PCDH15: variants seen among roughly 807,000 people sequenced by gnomAD.
PCDH15 encodes protocadherin-15.
In PCDH15, 129 loss-of-function variants were observed where a neutral mutation model predicts 178.5. That is an observed-to-expected ratio of 0.72 (90% CI 0.63 to 0.84). PCDH15 has a LOEUF of 0.84. Among genes scored for constraint, PCDH15 ranks in the 40% least tolerant of loss-of-function variants. The pLI is 0.00. For synonymous variants in PCDH15, 800 were observed against 732.0 expected, an observed-to-expected ratio of 1.09 and a Z score of -1.50; for missense variants, 2,230 against 2,099.9, an observed-to-expected ratio of 1.06 and a Z score of -1.21.
At chr10:54,967,223 A>G (rs1365509098) in intron 2 of PCDH15, among the ~76,000 whole-genome samples, 2 of 151,922 alleles carry the variant, frequency 1.3e-5, no homozygotes, top group Admixed American at 1.3e-4. Context: ...ATCTTATGGG[A>G]TCAACTTCAT....
intron 2 of PCDH15, among the ~76,000 whole-genome samples, chr10:55,043,472 AC>A (rs2131979576): frequency 6.6e-6 from 1 of 152,018 alleles, no homozygotes; most frequent in African/African-American, 2.4e-5. Context: ...ACTTTGGAGG[AC>A]CCAGGCAGGA....
At chr10:55,003,984 G>T (rs1355270183) in intron 2 of PCDH15, among the ~76,000 whole-genome samples, 2 of 152,324 alleles carry the variant, frequency 1.3e-5, no homozygotes, top group East Asian at 3.9e-4. Flanking sequence ...TGGAGGCCAA[G>T]TCTGAGATTC....
At chr10:54,414,084 A>T (rs1953966379) in intron 3 of PCDH15, among the ~76,000 whole-genome samples, 1 of 152,168 alleles carries the variant, frequency 6.6e-6, no homozygotes, top group Admixed American at 6.5e-5. Flanking sequence ...AATTTACACA[A>T]ATAAAACACT....
chr10:54,441,806 A>G (rs11004304), intron 3 of PCDH15, among the ~76,000 whole-genome samples: 9,851 of 151,886 alleles, frequency 0.065, 375 homozygotes, highest in Admixed American at 0.11. Context: ...ATAAGGAATA[A>G]TAAACCACAG....
At chr10:54,877,320 C>T (rs562908404) in intron 3 of PCDH15, among the ~76,000 whole-genome samples, 2 of 152,210 alleles carry the variant, frequency 1.3e-5, no homozygotes, top group East Asian at 1.9e-4. Context: ...ACAATATCTT[C>T]ACAGTATACT....
At chr10:55,578,891 C>A (rs192871005) in intron 2 of PCDH15, among the ~76,000 whole-genome samples, 57 of 152,216 alleles carry the variant, frequency 3.7e-4, no homozygotes, top group South Asian at 2.1e-3. Flanking sequence ...GATCCACCCC[C>A]CTATGATTCA....
intron 8 of PCDH15, among the ~76,000 whole-genome samples, chr10:54,302,433 G>A (rs148611854): frequency 2.5e-4 from 38 of 152,188 alleles, no homozygotes; most frequent in African/African-American, 8.9e-4. Context: ...TCAAGATGGC[G>A]GTATTAGAAG....
chr10:54,634,531 C>T (rs1193158148), intron 2 of PCDH15, among the ~76,000 whole-genome samples: 2 of 151,852 alleles, frequency 1.3e-5, no homozygotes, highest in African/African-American at 2.4e-5. Flanking sequence ...AGAATTATTT[C>T]TTTATTAATC....
chr10:54,926,840 C>CT (rs990642242), intron 2 of PCDH15, among the ~76,000 whole-genome samples: 5 of 151,850 alleles, frequency 3.3e-5, no homozygotes, highest in African/African-American at 1.2e-4. Context: ...GATCTGTTTA[C>CT]TTTTTTATTA....
intron 3 of PCDH15, among the ~76,000 whole-genome samples, chr10:54,462,680 A>ATTTTTTTTT (rs767750465): frequency 3.6e-5 from 2 of 56,240 alleles, no homozygotes; most frequent in Admixed American, 2.1e-4. Context: ...CACCTGCTTA[A>ATTTTTTTTT]TTTTTTTTTT....
chr10:54,763,315 T>G (rs1948112035), intron 1 of PCDH15, among the ~76,000 whole-genome samples: 1 of 152,134 alleles, frequency 6.6e-6, no homozygotes, highest in Admixed American at 6.6e-5. Context: ...ATTTCACAAT[T>G]TGTAGCTCAG....
intron 18 of PCDH15, among the ~76,000 whole-genome samples, chr10:54,035,828 G>A (rs958888189): frequency 1.3e-5 from 2 of 151,968 alleles, no homozygotes; most frequent in Non-Finnish European, 2.9e-5. Context: ...GTGCCAGTTA[G>A]CCACATTGTG....
intron 37 of PCDH15, chr10:53,809,358 G>C: frequency 6.2e-7 from 1 of 1,613,828 alleles, no homozygotes; most frequent in Non-Finnish European, 8.5e-7. Flanking sequence ...CACCCTCAAG[G>C]TCAACGATTC....
chr10:55,390,819 A>G lies in PCDH15; in HGVS notation c.-155-224168T>C, dbSNP rs1021847054. 2.0e-5 allele frequency among the ~76,000 whole-genome samples: 3 copies of G among 152,194 alleles called. No individual in the cohort carries two copies. The East Asian group carries it at 5.8e-4, about 29-fold the overall frequency. ...TGTCAATGAGCAGTAGTAATATTTC[A>G]AAAGTCGGTCTCAACCCTTAAGCTT... On this transcript the variant is annotated intron_variant, in intron 2 of 5. Coordinates refer to the PCDH15 transcript ENST00000613346.
intron 2 of PCDH15, among the ~76,000 whole-genome samples, chr10:55,379,388 A>T (rs1389270486): frequency 6.6e-6 from 1 of 152,096 alleles, no homozygotes; most frequent in Non-Finnish European, 1.5e-5. Flanking sequence ...AGTGGAAAAA[A>T]AGCTGAATCA....
intron 1 of PCDH15, among the ~76,000 whole-genome samples, chr10:54,708,833 T>A (rs2095395951): frequency 6.6e-6 from 1 of 151,972 alleles, no homozygotes; most frequent in Non-Finnish European, 1.5e-5. Context: ...TCTTTATTCT[T>A]GGCATGCTTA....
chr10:55,049,824 T>C (rs956674897), intron 2 of PCDH15, among the ~76,000 whole-genome samples: 2 of 152,086 alleles, frequency 1.3e-5, no homozygotes, highest in African/African-American at 4.8e-5. Context: ...ATGAGTTGTA[T>C]AACTATTTTG....
chr10:55,600,880 T>C (rs1458152836), intron 2 of PCDH15, among the ~76,000 whole-genome samples: 1 of 151,804 alleles, frequency 6.6e-6, no homozygotes, highest in Non-Finnish European at 1.5e-5. Flanking sequence ...TTTAAATTAA[T>C]TTATTTATTT....
chr10:55,504,091 A>G (rs1472909381), intron 2 of PCDH15, among the ~76,000 whole-genome samples: 2 of 151,408 alleles, frequency 1.3e-5, no homozygotes, highest in Non-Finnish European at 3.0e-5. Context: ...ATAATGATGA[A>G]TACATGTTAT....
Sources: gnomAD v4.1 joint callset for allele counts (sites outside exome capture counted in the v4.1 genomes callset) on GRCh38, gnomAD v4.1.1 for gene constraint, MANE v1.5 for transcripts, NCBI Gene and HGNC (gene_info 2026-07-23, HGNC 2026-07-21) for gene names.